PPP1R21: variants seen among roughly 807,000 people sequenced by gnomAD.
The protein encoded by PPP1R21 is KLRAQ motif containing 1.
PPP1R21 carries 85 observed loss-of-function variants against 112.8 expected under a neutral mutation model. The ratio of observed to expected loss-of-function variants is 0.75; its 90% CI spans 0.63 to 0.90. PPP1R21 has a LOEUF of 0.90. PPP1R21 is among the 40% of genes least tolerant of loss of function. PPP1R21 has a pLI of 0.00. For missense variants in PPP1R21, 1,199 were observed against 901.5 expected (o/e 1.33, Z -4.23); for synonymous variants, 381 against 322.3 (o/e 1.18, Z -1.95).
At position 48,469,367 on chromosome 2, in the gene PPP1R21, TATATATATATAGCATATATATATAGAGC is replaced by T. The variant is rs1252280850; in HGVS notation, c.898-1707_898-1680del. 1.1e-4 allele frequency among the ~76,000 whole-genome samples: 5 copies of T among 47,242 alleles called. 1 individual carries two copies. Among genetic ancestry groups the T allele is most frequent in the South Asian group, 5.9e-4 (1 of 1,706 alleles). The allele number at this position is 47,242 out of a possible 152,430, so 31.0% of individuals were successfully genotyped here. On this transcript the variant is annotated intron_variant, in intron 9 of 21. Coordinates refer to ENST00000294952, the MANE Select transcript of PPP1R21 (RefSeq NM_001135629.3). Reference sequence around the variant, plus strand: ...ATATATAGCATATATATATAGAGCATATATATATATAGCATATATATATAGAGCATATATATATAGAGAGAGAGCATAT... The same window carrying T: ...ATATATAGCATATATATATAGAGCATATATATATATAGAGAGAGAGCATAT...
At chr2:48,444,653 A>T (rs1186428975) in intron 1 of PPP1R21, among the ~76,000 whole-genome samples, 2 of 152,186 alleles carry the variant, frequency 1.3e-5, no homozygotes, top group African/African-American at 4.8e-5. Context: ...GGAACCTGAA[A>T]CAACATCATC....
chr2:48,469,596 A>G lies in PPP1R21; in HGVS notation c.898-1491A>G, dbSNP rs565559954. 2.9e-4 allele frequency among the ~76,000 whole-genome samples: 32 copies of G among 109,760 alleles called. 1 individual carries two copies. Among genetic ancestry groups the G allele is most frequent in the Non-Finnish European group, 5.6e-4 (30 of 53,176 alleles). The allele number at this position is 109,760 out of a possible 152,430, so 72.0% of individuals were successfully genotyped here. A position where few individuals can be genotyped will look rare whatever the true frequency, so the allele number is the denominator to read the frequency against. ...TATATATATATATATGCTAACCAGTATTGGATAGAATATACTATCCAATAC... is the reference window on the plus strand; with the variant it reads ...TATATATATATATATGCTAACCAGTGTTGGATAGAATATACTATCCAATAC... On this transcript the variant is annotated intron_variant, in intron 9 of 21. Transcript: ENST00000294952.
In PPP1R21 at chr2:48,444,920, T is replaced by A. The variant is rs910799605; in HGVS notation, c.57+3910T>A. Among the ~76,000 whole-genome samples, 3 of 152,004 alleles carry A rather than the reference T, an allele frequency of 2.0e-5. No homozygotes were observed. The South Asian group carries it at 6.2e-4, about 32-fold the overall frequency. On this transcript the variant is annotated intron_variant, in intron 1 of 21. Transcript: ENST00000294952. ...AGGAAAGCCAAACATCCATTATTTC[T>A]CTACAGTTTACTTTGCAATTGATGC...
intron 2 of PPP1R21, among the ~76,000 whole-genome samples, chr2:48,452,856 A>G (rs568464834): frequency 1.3e-5 from 2 of 152,288 alleles, no homozygotes; most frequent in African/African-American, 4.8e-5. Flanking sequence ...TTTCTCCTTA[A>G]TGGGAGCATA....
intron 17 of PPP1R21, among the ~76,000 whole-genome samples, chr2:48,499,426 G>C (rs1483754669): frequency 6.6e-6 from 1 of 152,112 alleles, no homozygotes; most frequent in Non-Finnish European, 1.5e-5. Flanking sequence ...TTCTTTAATA[G>C]AAATAACCAC....
chr2:48,475,477 C>T (rs915753648), intron 12 of PPP1R21, among the ~76,000 whole-genome samples: 6 of 152,194 alleles, frequency 3.9e-5, no homozygotes, highest in African/African-American at 1.4e-4. Context: ...GAATTTGTAG[C>T]AGCTTTCCAA....
intron 4 of PPP1R21, among the ~76,000 whole-genome samples, chr2:48,459,285 G>A (rs1360176512): frequency 1.3e-5 from 2 of 151,644 alleles, no homozygotes; most frequent in African/African-American, 4.8e-5. Flanking sequence ...TATTAGTATT[G>A]GACTCTAATT....
intron 21 of PPP1R21, among the ~76,000 whole-genome samples, chr2:48,512,298 G>A (rs1360426302): frequency 6.6e-6 from 1 of 152,070 alleles, no homozygotes; most frequent in Non-Finnish European, 1.5e-5. Flanking sequence ...CTTTATTACT[G>A]TAACAACGTA....
Position 48,440,844 on chromosome 2 carries a change from C to G in PPP1R21, c.-110C>G, listed in dbSNP as rs1030452407. The G allele has an allele frequency of 2.6e-6, 2 of 769,316 alleles. No homozygotes were observed. The highest frequency in any genetic ancestry group is 3.7e-5 in the African/African-American group (2 of 53,984). The allele number at this position is 769,316 out of a possible 1,614,324, so 47.7% of individuals were successfully genotyped here. ...GCGGCGGCGGCGGCGGCTGCGGTGG[C>G]CAAGCAGGCAGATACTGCCTGACCC... is the stretch of plus-strand genomic sequence containing the variant. On this transcript the variant is annotated 5_prime_UTR_variant, in exon 1 of 22. Coordinates refer to ENST00000294952, the MANE Select transcript of PPP1R21 (RefSeq NM_001135629.3).
At chr2:48,479,288 G>T (rs1355095541) in intron 12 of PPP1R21, among the ~76,000 whole-genome samples, 1 of 152,204 alleles carries the variant, frequency 6.6e-6, no homozygotes, top group Non-Finnish European at 1.5e-5. Flanking sequence ...CGTGTTCTTG[G>T]CTATACCTAT....
At chr2:48,442,768 T>G (rs190155757) in intron 1 of PPP1R21, among the ~76,000 whole-genome samples, 129 of 152,226 alleles carry the variant, frequency 8.5e-4, no homozygotes, top group African/African-American at 2.9e-3. Context: ...TCATTAAGAT[T>G]AATGAGCTTT....
intron 9 of PPP1R21, among the ~76,000 whole-genome samples, chr2:48,467,005 G>A (rs571487193): frequency 3.5e-4 from 53 of 152,200 alleles, no homozygotes; most frequent in Admixed American, 3.1e-3. Flanking sequence ...TTTTATTGTC[G>A]GAAAAATTAA....
chr2:48,486,823 A>G lies in PPP1R21; in HGVS notation c.1446+65A>G, dbSNP rs551858086. On this transcript the variant is annotated intron_variant, in intron 14 of 21. Coordinates refer to ENST00000294952, the MANE Select transcript of PPP1R21 (RefSeq NM_001135629.3). ...AATATGTGCTTTTTTTCTGAGGGAC[A>G]TAGGAAAATGGATCTGTAAAAGGAT... 21 of 1,527,980 alleles carry G rather than the reference A, an allele frequency of 1.4e-5. No homozygotes were observed. In the South Asian group the frequency reaches 2.4e-4, roughly 17 times the overall value. 94.7% of individuals were successfully genotyped at this position (1,527,980 alleles called of 1,614,324 possible).
intron 7 of PPP1R21, among the ~76,000 whole-genome samples, chr2:48,463,507 A>T (rs1668069336): frequency 6.6e-6 from 1 of 152,112 alleles, no homozygotes; most frequent in Non-Finnish European, 1.5e-5. Context: ...GTGCTGAGGA[A>T]ATAGGCAGAG....
chr2:48,478,155 G>T (rs943512499), intron 12 of PPP1R21, among the ~76,000 whole-genome samples: 1 of 152,156 alleles, frequency 6.6e-6, no homozygotes, highest in African/African-American at 2.4e-5. Flanking sequence ...TAGGGCCTTT[G>T]GGGAGAGTGT....
rs1667910926 is a variant in PPP1R21, at chr2:48,460,094, G to C, written c.541-1G>C. 1 of 1,613,938 alleles carries C rather than the reference G, an allele frequency of 6.2e-7. No homozygotes were observed. The highest frequency in any genetic ancestry group is 8.5e-7 in the Non-Finnish European group (1 of 1,179,988). ...GTGTTTCTTTTTCTTCTGAAATTCA[G>C]GTGAAATCTCAGACTCTAGAAAAGG... On this transcript the variant is annotated splice_acceptor_variant, in intron 5 of 21. Transcript: ENST00000294952. LOFTEE classifies it high-confidence loss of function.
intron 9 of PPP1R21, among the ~76,000 whole-genome samples, chr2:48,469,502 T>G (rs796948460): frequency 0.081 from 3,523 of 43,328 alleles, 452 homozygotes; most frequent in Non-Finnish European, 0.1. Flanking sequence ...TATATATATA[T>G]ATAGAGCATA....
chr2:48,480,287 G>A (rs1297699213), intron 13 of PPP1R21, among the ~76,000 whole-genome samples: 1 of 152,186 alleles, frequency 6.6e-6, no homozygotes, highest in African/African-American at 2.4e-5. Flanking sequence ...CTTTAGGCAG[G>A]TGTGTGAATT....
In PPP1R21 at chr2:48,486,631, A is replaced by T; in HGVS notation, c.1319A>T (p.Asp440Val). ...ALHGFHDVMK[D>V]ISKHYSQKAA... ...AATTTTCATGTAATTGCTTTTATAG[A>T]TATTTCCAAACATTATAGTCAAAAA... The change falls in exon 14 of 22, where the codon GAT becomes GTT. Residue 440 changes from aspartate to valine, a missense_variant and splice_region_variant. Asp to Val is a radical substitution (Grantham distance 152). Transcript: ENST00000294952. 1.2e-6 allele frequency: 2 copies of T among 1,607,454 alleles called. No individual in the cohort carries two copies. Among genetic ancestry groups the T allele is most frequent in the Non-Finnish European group, 1.7e-6 (2 of 1,174,398 alleles).
Sources: gnomAD v4.1 joint callset for allele counts (sites outside exome capture counted in the v4.1 genomes callset) on GRCh38, gnomAD v4.1.1 for gene constraint, MANE v1.5 for transcripts, NCBI Gene and HGNC (gene_info 2026-07-23, HGNC 2026-07-21) for gene names.